RAB9B: variants seen among roughly 807,000 people sequenced by gnomAD.
The protein encoded by RAB9B is RAB9B, member RAS oncogene family.
Under a neutral mutation model 8.9 loss-of-function variants are expected in RAB9B, and 1 was observed. The observed-to-expected ratio is 0.11, with a 90% CI of 0.04 to 0.53. The LOEUF (loss-of-function observed/expected upper bound fraction) is 0.53. RAB9B is among the 20% of genes least tolerant of loss of function. The pLI, the probability that RAB9B is intolerant of heterozygous loss-of-function variation, is 0.93. For missense variants in RAB9B, 82 were observed against 152.9 expected, an observed-to-expected ratio of 0.54 and a Z score of 2.45; for synonymous variants, 63 against 57.0, an observed-to-expected ratio of 1.10 and a Z score of -0.47.
chrX:103,827,637 T>C (rs974973260), intron 1 of RAB9B, among the ~76,000 whole-genome samples: 2 of 112,134 alleles, frequency 1.8e-5, no homozygotes, highest in Non-Finnish European at 3.8e-5. Context: ...AATTATTTTA[T>C]TAATTAGTTT....
At chrX:103,825,914 C>T in intron 2 of RAB9B, 88 bp from the exon 3 acceptor site, 1 of 686,106 alleles carries the variant, frequency 1.5e-6, no homozygotes, top group Non-Finnish European at 2.2e-6. Context: ...ATTATAAGGC[C>T]TTCTCATTCA....
chrX:103,824,985 G>T lies in RAB9B; in HGVS notation c.*194C>A. ...AAATCACGCAAAATACACTTGGCTT[G>T]ATAGAGCTTCATTTTTTTTAATTTT... is the stretch of plus-strand genomic sequence containing the variant. On this transcript the variant is annotated 3_prime_UTR_variant, in exon 3 of 3. Coordinates refer to ENST00000243298, the MANE Select transcript of RAB9B (RefSeq NM_016370.4). 2.4e-6 allele frequency: 1 copy of T among 419,900 alleles called. No individual in the cohort carries two copies. 34.6% of individuals were successfully genotyped at this position (419,900 alleles called of 1,213,427 possible). A position where few individuals can be genotyped will look rare whatever the true frequency, so the allele number is the denominator to read the frequency against.
chrX:103,777,132 C>T, the RAB9B span: 1 of 564,748 alleles, frequency 1.8e-6, no homozygotes, highest in African/African-American at 2.3e-5. Flanking sequence ...TTTTTAAATT[C>T]CTTAACATTC....
downstream of RAB9B, among the ~76,000 whole-genome samples, chrX:103,820,497 T>C (rs1204559968): frequency 2.7e-5 from 3 of 111,870 alleles, no homozygotes; most frequent in East Asian, 5.6e-4. Flanking sequence ...AGACAAATTA[T>C]GTATTCCACA....
chrX:103,820,196 G>A (rs1482409843), downstream of RAB9B, among the ~76,000 whole-genome samples: 1 of 112,168 alleles, frequency 8.9e-6, no homozygotes, highest in Non-Finnish European at 1.9e-5. Context: ...CCAAGCTTAT[G>A]GTATTTTGTT....
the RAB9B span, among the ~76,000 whole-genome samples, chrX:103,789,963 G>A: frequency 8.9e-6 from 1 of 112,112 alleles, no homozygotes; most frequent in Non-Finnish European, 1.9e-5. Flanking sequence ...TGTGCTCATT[G>A]TGCAGATTAA....
intron 1 of RAB9B, among the ~76,000 whole-genome samples, chrX:103,831,338 A>T (rs1049402961): frequency 9.3e-6 from 1 of 107,419 alleles, no homozygotes; most frequent in East Asian, 2.9e-4. Context: ...CTAACAAGTT[A>T]TCAGCTACAT....
At chrX:103,787,823 C>T in the RAB9B span, 1 of 1,210,124 alleles carries the variant, frequency 8.3e-7, no homozygotes, top group East Asian at 3.0e-5. Context: ...TATGCCCTGA[C>T]CGTTGTGTGG....
At chrX:103,808,418 G>A in the RAB9B span, among the ~76,000 whole-genome samples, 1 of 112,084 alleles carries the variant, frequency 8.9e-6, no homozygotes. Context: ...GGTTTGTTGA[G>A]CCGTAAACTG....
chrX:103,798,549 A>G, the RAB9B span, among the ~76,000 whole-genome samples: 5 of 111,985 alleles, frequency 4.5e-5, no homozygotes, highest in Admixed American at 4.7e-4. Flanking sequence ...TTAAATTTTC[A>G]GCCTCACTTT....
At chrX:103,804,747 A>AT in the RAB9B span, among the ~76,000 whole-genome samples, 2 of 110,944 alleles carry the variant, frequency 1.8e-5, no homozygotes, top group East Asian at 5.6e-4. Context: ...TTTTTTGTCA[A>AT]TTTTTTTCTA....
the RAB9B span, chrX:103,786,320 G>A: frequency 9.5e-7 from 1 of 1,057,570 alleles, no homozygotes; most frequent in Non-Finnish European, 1.3e-6. Flanking sequence ...GTGAAAGCAT[G>A]CAGGAGGAAC....
chrX:103,786,721 G>A, the RAB9B span: 10 of 1,211,191 alleles, frequency 8.3e-6, no homozygotes, highest in Non-Finnish European at 1.0e-5. Context: ...AGGACATCCC[G>A]ACAAGGTGAT....
intron 1 of RAB9B, among the ~76,000 whole-genome samples, chrX:103,827,477 C>T (rs886135439): frequency 8.1e-5 from 9 of 111,172 alleles, no homozygotes; most frequent in Admixed American, 9.5e-5. Context: ...TCCTTTTATA[C>T]CTACCAACGT....
the RAB9B span, among the ~76,000 whole-genome samples, chrX:103,794,975 A>G: frequency 8.9e-6 from 1 of 112,377 alleles, no homozygotes. Flanking sequence ...CTGATTATGG[A>G]TCAGTCCAAA....
chrX:103,810,684 A>G, the RAB9B span, among the ~76,000 whole-genome samples: 2 of 111,604 alleles, frequency 1.8e-5, no homozygotes, highest in Non-Finnish European at 3.8e-5. Flanking sequence ...CCTCCACAAC[A>G]TGAGTAATCA....
At chrX:103,803,812 G>A in the RAB9B span, among the ~76,000 whole-genome samples, 4 of 112,113 alleles carry the variant, frequency 3.6e-5, no homozygotes, top group African/African-American at 9.7e-5. Flanking sequence ...TCCTCATCTC[G>A]TGATCCACCC....
At chrX:103,783,425 T>C in the RAB9B span, among the ~76,000 whole-genome samples, 1 of 112,553 alleles carries the variant, frequency 8.9e-6, no homozygotes, top group Non-Finnish European at 1.9e-5. Flanking sequence ...CTGCTCCAAA[T>C]GTTAGCTGCT....
chrX:103,813,614 G>A, the RAB9B span, among the ~76,000 whole-genome samples: 1 of 108,173 alleles, frequency 9.2e-6, no homozygotes, highest in Non-Finnish European at 1.9e-5. Flanking sequence ...ATTAAAAGAC[G>A]ACGACTGGCA....
Sources: allele counts gnomAD v4.1 joint callset (sites outside exome capture counted in the v4.1 genomes callset), GRCh38; gene constraint gnomAD v4.1.1; transcripts MANE v1.5; gene names NCBI Gene and HGNC (gene_info 2026-07-23, HGNC 2026-07-21).